RBFOX1: variants seen among roughly 807,000 people sequenced by gnomAD.
RBFOX1 encodes RNA binding fox-1 homolog 1, also known as RNA binding protein fox-1 homolog 1.
RBFOX1 carries 8 observed loss-of-function variants against 57.7 expected under a neutral mutation model. The ratio of observed to expected loss-of-function variants is 0.14; its 90% confidence interval spans 0.08 to 0.25. RBFOX1 has a LOEUF of 0.25. RBFOX1 is among the 10% of genes least tolerant of loss of function. The pLI, the probability that RBFOX1 is intolerant of heterozygous loss-of-function variation, is 1.00. For missense variants in RBFOX1, 611 were observed against 548.5 expected (o/e 1.11, Z -1.14); for synonymous variants, 326 against 222.4 (o/e 1.47, Z -4.15).
upstream of RBFOX1, among the ~76,000 whole-genome samples, chr16:6,018,638 A>G (rs1386411444): frequency 2.0e-5 from 3 of 152,272 alleles, no homozygotes; most frequent in East Asian, 5.8e-4. Context: ...AATCTTGGAT[A>G]GGGCTCGATC....
At chr16:5,745,011 G>C (rs565765489) in intron 3 of RBFOX1, among the ~76,000 whole-genome samples, 7 of 152,234 alleles carry the variant, frequency 4.6e-5, no homozygotes, top group Admixed American at 4.6e-4. Flanking sequence ...TGTTACATAT[G>C]TATACGTGTG....
chr16:7,015,412 T>C (rs938560011), intron 3 of RBFOX1, among the ~76,000 whole-genome samples: 1 of 152,160 alleles, frequency 6.6e-6, no homozygotes, highest in Non-Finnish European at 1.5e-5. Context: ...AGCCGTATTA[T>C]AGACTTATGG....
At chr16:7,389,259 G>A (rs1298286742) in intron 4 of RBFOX1, among the ~76,000 whole-genome samples, 2 of 151,958 alleles carry the variant, frequency 1.3e-5, no homozygotes, top group Admixed American at 1.3e-4. Context: ...CTGAATAGCT[G>A]GCAGCACAGG....
chr16:5,741,686 T>C (rs973800370), intron 3 of RBFOX1, among the ~76,000 whole-genome samples: 1 of 152,260 alleles, frequency 6.6e-6, no homozygotes, highest in Non-Finnish European at 1.5e-5. Flanking sequence ...CCATTAAAAT[T>C]CAATGCTATC....
At chr16:7,490,490 G>A (rs888373940) in intron 4 of RBFOX1, among the ~76,000 whole-genome samples, 4 of 152,170 alleles carry the variant, frequency 2.6e-5, no homozygotes, top group African/African-American at 4.8e-5. Flanking sequence ...TAATTAGAGG[G>A]GTTGAGTCTG....
chr16:5,688,942 C>T (rs562939079), intron 3 of RBFOX1, among the ~76,000 whole-genome samples: 39 of 152,194 alleles, frequency 2.6e-4, no homozygotes, highest in Non-Finnish European at 4.1e-4. Context: ...TGGCCACTAA[C>T]GCCAGGGGCA....
At chr16:7,667,145 A>G (rs142705500) in intron 13 of RBFOX1, among the ~76,000 whole-genome samples, 1 of 152,298 alleles carries the variant, frequency 6.6e-6, no homozygotes, top group African/African-American at 2.4e-5. Flanking sequence ...TACCCAGCAC[A>G]TGTTTCTGTC....
At chr16:7,137,333 C>A (rs1197169853) in intron 4 of RBFOX1, among the ~76,000 whole-genome samples, 1 of 152,128 alleles carries the variant, frequency 6.6e-6, no homozygotes, top group Non-Finnish European at 1.5e-5. Context: ...CCTGTAATTC[C>A]CACATGTTGT....
At chr16:5,897,874 T>C (rs72769081) in intron 4 of RBFOX1, among the ~76,000 whole-genome samples, 2,594 of 150,546 alleles carry the variant, frequency 0.017, 46 homozygotes, top group Non-Finnish European at 0.026. Flanking sequence ...CACTCTGAAA[T>C]ATTACATGTT....
chr16:6,587,474 G>A (rs1160535054), intron 2 of RBFOX1, among the ~76,000 whole-genome samples: 2 of 152,050 alleles, frequency 1.3e-5, no homozygotes, highest in Non-Finnish European at 2.9e-5. Flanking sequence ...CAGAGACAGG[G>A]TTTCACCTTG....
chr16:7,199,005 G>C (rs1192440258), intron 4 of RBFOX1, among the ~76,000 whole-genome samples: 1 of 152,160 alleles, frequency 6.6e-6, no homozygotes, highest in Non-Finnish European at 1.5e-5. Context: ...TAGAAAAGGA[G>C]ACAGCTCCAA....
At chr16:5,680,206 C>G (rs957645534) in intron 3 of RBFOX1, among the ~76,000 whole-genome samples, 1 of 152,094 alleles carries the variant, frequency 6.6e-6, no homozygotes, top group East Asian at 1.9e-4. Context: ...CTGCAGGACA[C>G]CATGAAACCT....
At chr16:5,612,675 T>C (rs1229688065) in intron 3 of RBFOX1, among the ~76,000 whole-genome samples, 2 of 152,084 alleles carry the variant, frequency 1.3e-5, no homozygotes, top group Non-Finnish European at 2.9e-5. Context: ...ACAGAGGAAA[T>C]AGCATGTGCA....
chr16:6,486,136 G>T, intron 2 of RBFOX1, among the ~76,000 whole-genome samples: 1 of 108,690 alleles, frequency 9.2e-6, no homozygotes, highest in African/African-American at 3.6e-5. Flanking sequence ...ATAAACTATA[G>T]TTGCAATATT....
At chr16:7,709,511 C>G in intron 15 of RBFOX1, 1 of 1,528,856 alleles carries the variant, frequency 6.5e-7, no homozygotes, top group South Asian at 1.2e-5. Flanking sequence ...GTTCCAGCCC[C>G]AGCACAGACT....
chr16:7,227,501 C>T (rs2093215587), intron 4 of RBFOX1, among the ~76,000 whole-genome samples: 1 of 152,204 alleles, frequency 6.6e-6, no homozygotes, highest in African/African-American at 2.4e-5. Context: ...ACTGTCTCTA[C>T]TGAAGTGGTA....
intron 4 of RBFOX1, among the ~76,000 whole-genome samples, chr16:7,174,348 A>G (rs562535419): frequency 1.8e-4 from 27 of 152,242 alleles, no homozygotes; most frequent in African/African-American, 6.5e-4. Context: ...TTGTTTCCAG[A>G]TTTTAACTAT....
chr16:6,427,302 C>T (rs996431246), intron 2 of RBFOX1, among the ~76,000 whole-genome samples: 9 of 152,160 alleles, frequency 5.9e-5, no homozygotes, highest in African/African-American at 1.9e-4. Context: ...TCATTATCAT[C>T]GTCATCTTAT....
At chr16:6,490,564 G>C (rs35376199) in intron 2 of RBFOX1, among the ~76,000 whole-genome samples, 16,750 of 152,218 alleles carry the variant, frequency 0.11, 1,806 homozygotes, top group East Asian at 0.43. Flanking sequence ...ACTATTTATT[G>C]CCCTGCAGAA....
Sources: allele counts gnomAD v4.1 joint callset (sites outside exome capture counted in the v4.1 genomes callset), GRCh38; gene constraint gnomAD v4.1.1; transcripts MANE v1.5; gene names NCBI Gene and HGNC (gene_info 2026-07-23, HGNC 2026-07-21).